Variants in TTLL5 observed in about 807,000 individuals in gnomAD.
The protein encoded by TTLL5 is tubulin polyglutamylase TTLL5.
A neutral mutation model predicts 168.4 loss-of-function variants in TTLL5; 132 were observed. The ratio of observed to expected loss-of-function variants is 0.78; its 90% CI spans 0.68 to 0.91. The LOEUF is 0.91. Among genes scored for constraint, TTLL5 ranks in the 40% least tolerant of loss-of-function variants. TTLL5 has a pLI of 0.00. For synonymous variants in TTLL5, 546 were observed against 558.6 expected (o/e 0.98, Z 0.32); for missense variants, 1,545 against 1,581.5 (o/e 0.98, Z 0.39).
chr14:75,811,860 T>C (rs907322915), intron 27 of TTLL5, among the ~76,000 whole-genome samples: 4 of 152,178 alleles, frequency 2.6e-5, no homozygotes, highest in East Asian at 1.9e-4. Flanking sequence ...ATTTTAATTA[T>C]AGTGCTGGCA....
chr14:75,753,549 G>A (rs1890081397), intron 18 of TTLL5, among the ~76,000 whole-genome samples: 1 of 152,122 alleles, frequency 6.6e-6, no homozygotes, highest in African/African-American at 2.4e-5. Context: ...AGGCACCCTA[G>A]TTATTTAGAG....
Position 75,737,845 on chromosome 14 carries a change from G to A in TTLL5, c.1281+2556G>A, listed in dbSNP as rs574315595. 1.8e-4 allele frequency among the ~76,000 whole-genome samples: 27 copies of A among 152,290 alleles called. 1 individual carries two copies. The South Asian group carries it at 5.6e-3, about 32-fold the overall frequency. On this transcript the variant is annotated intron_variant, in intron 15 of 31. Coordinates refer to ENST00000298832, the MANE Select transcript of TTLL5 (RefSeq NM_015072.5). ...CTGATAGTGATTATACTGAGATGGA[G>A]ACAGTTGAATTTAAATGAGGAACAG... is the stretch of plus-strand genomic sequence containing the variant.
chr14:75,915,371 C>T (rs930709074), intron 31 of TTLL5, among the ~76,000 whole-genome samples: 48 of 152,222 alleles, frequency 3.2e-4, no homozygotes, highest in African/African-American at 1.1e-3. Flanking sequence ...AAAGTTCTCT[C>T]AACCCTTACT....
intron 31 of TTLL5, among the ~76,000 whole-genome samples, chr14:75,936,300 T>G (rs1277687660): frequency 6.6e-6 from 1 of 152,224 alleles, no homozygotes. Flanking sequence ...GTTACTTTGC[T>G]CCAGCAAAGA....
chr14:75,781,957 C>CAAAAAAAAA (rs11350842), intron 24 of TTLL5, among the ~76,000 whole-genome samples: 1 of 69,472 alleles, frequency 1.4e-5, no homozygotes, highest in Non-Finnish European at 2.9e-5. Flanking sequence ...AAACTTTGTT[C>CAAAAAAAAA]AAAAAAAAAA....
intron 17 of TTLL5, among the ~76,000 whole-genome samples, chr14:75,750,340 A>T (rs553764850): frequency 7.9e-5 from 12 of 151,888 alleles, no homozygotes; most frequent in African/African-American, 2.7e-4. Context: ...TCAGCGGAGG[A>T]TACCTTCCAA....
At chr14:75,752,661 A>T (rs1890019028) in intron 17 of TTLL5, among the ~76,000 whole-genome samples, 1 of 152,102 alleles carries the variant, frequency 6.6e-6, no homozygotes. Context: ...TCTGTTTTCT[A>T]CATTAAATCC....
At chr14:75,919,062 A>G (rs953806212) in intron 31 of TTLL5, among the ~76,000 whole-genome samples, 1 of 151,676 alleles carries the variant, frequency 6.6e-6, no homozygotes, top group South Asian at 2.1e-4. Context: ...TTAGCTGGGC[A>G]TGGTGGCACG....
intron 28 of TTLL5, among the ~76,000 whole-genome samples, chr14:75,822,937 C>T (rs1894913370): frequency 6.6e-6 from 1 of 152,190 alleles, no homozygotes. Flanking sequence ...GTTCCCTAGA[C>T]ACTCTGGAGT....
intron 28 of TTLL5, among the ~76,000 whole-genome samples, chr14:75,830,137 A>G (rs1895478787): frequency 6.6e-6 from 1 of 152,232 alleles, no homozygotes; most frequent in African/African-American, 2.4e-5. Flanking sequence ...TGTATTCTAA[A>G]TATTTCCTGT....
intron 26 of TTLL5, among the ~76,000 whole-genome samples, chr14:75,791,062 C>T (rs972452179): frequency 3.8e-5 from 5 of 132,538 alleles, no homozygotes; most frequent in African/African-American, 1.5e-4. Context: ...GCCAAGATCG[C>T]GCCACTGCGC....
rs927098822 is a variant in TTLL5 at position 75,739,118 on chromosome 14, A to G, written c.1281+3829A>G. Among the ~76,000 whole-genome samples, 4 of 151,916 alleles carry G rather than the reference A, an allele frequency of 2.6e-5. No individual in the cohort carries two copies. The South Asian group carries it at 8.3e-4, about 32-fold the overall frequency. ...CCACCATGCCCGGCCTTTGATATGT[A>G]ATTCTAATCTTAATTTCTCATTATC... On this transcript the variant is annotated intron_variant, in intron 15 of 31. Transcript: ENST00000298832.
chr14:75,780,615 T>C (rs1177122649), intron 24 of TTLL5, among the ~76,000 whole-genome samples: 1 of 152,232 alleles, frequency 6.6e-6, no homozygotes, highest in Admixed American at 6.5e-5. Context: ...AGATGGAGAC[T>C]TCTTCCCTGC....
At chr14:75,893,280 T>C (rs1400191681) in intron 30 of TTLL5, among the ~76,000 whole-genome samples, 1 of 152,084 alleles carries the variant, frequency 6.6e-6, no homozygotes, top group Non-Finnish European at 1.5e-5. Context: ...AGCTAAAAAA[T>C]TCATTCATGT....
chr14:75,882,993 TG>T, intron 30 of TTLL5, 91 bp downstream of exon 30: 1 of 1,351,208 alleles, frequency 7.4e-7, no homozygotes, highest in African/African-American at 1.5e-5. Context: ...CCGTTCGTAC[TG>T]AAGTACTGGA....
chr14:75,777,991 A>C (rs1891818609), intron 23 of TTLL5, among the ~76,000 whole-genome samples: 1 of 151,944 alleles, frequency 6.6e-6, no homozygotes, highest in South Asian at 2.1e-4. Context: ...AAAAAAACAA[A>C]AAACAGATTG....
intron 31 of TTLL5, among the ~76,000 whole-genome samples, chr14:75,916,662 A>G (rs1418785048): frequency 6.6e-6 from 1 of 152,196 alleles, no homozygotes; most frequent in Non-Finnish European, 1.5e-5. Context: ...TTGAATTACC[A>G]TATGATCCAG....
At chr14:75,761,063 A>G (rs1890611539) in intron 18 of TTLL5, among the ~76,000 whole-genome samples, 1 of 152,282 alleles carries the variant, frequency 6.6e-6, no homozygotes, top group South Asian at 2.1e-4. Context: ...ACCCAATTAC[A>G]AAAGGATAAA....
chr14:75,911,051 T>G (rs1311442491), intron 31 of TTLL5, among the ~76,000 whole-genome samples: 1 of 152,068 alleles, frequency 6.6e-6, no homozygotes, highest in Non-Finnish European at 1.5e-5. Context: ...TGAGTCAGAG[T>G]CTCGCTCTGT....
Sources: gnomAD v4.1 joint callset for allele counts (sites outside exome capture counted in the v4.1 genomes callset) on GRCh38, gnomAD v4.1.1 for gene constraint, MANE v1.5 for transcripts, NCBI Gene and HGNC (gene_info 2026-07-23, HGNC 2026-07-21) for gene names.